Variants in MAP3K20 observed in about 807,000 individuals in gnomAD.
MAP3K20 encodes HCCS-4.
Under a neutral mutation model 85.7 loss-of-function variants are expected in MAP3K20, and 40 were observed. The ratio of observed to expected loss-of-function variants is 0.47; its 90% confidence interval spans 0.36 to 0.61. The LOEUF (loss-of-function observed/expected upper bound fraction) is 0.61, where lower values mean the gene tolerates loss of function less well. MAP3K20 is among the 20% of genes least tolerant of loss of function. The pLI is 0.00. For synonymous variants in MAP3K20, 325 were observed against 327.7 expected (o/e 0.99, Z 0.09); for missense variants, 817 against 961.7 (o/e 0.85, Z 1.99).
At chr2:173,250,356 T>C (rs1574157519) in intron 16 of MAP3K20, among the ~76,000 whole-genome samples, 1 of 152,226 alleles carries the variant, frequency 6.6e-6, no homozygotes, top group Non-Finnish European at 1.5e-5. Context: ...TGTGGTGGTT[T>C]AGTGGAAAGA....
At chr2:173,220,156 T>C (rs1374629703) in intron 11 of MAP3K20, among the ~76,000 whole-genome samples, 1 of 152,006 alleles carries the variant, frequency 6.6e-6, no homozygotes, top group Non-Finnish European at 1.5e-5. Flanking sequence ...TTATCATAAA[T>C]GTATCCATAT....
intron 11 of MAP3K20, among the ~76,000 whole-genome samples, chr2:173,227,890 T>C (rs1399336034): frequency 6.6e-6 from 1 of 152,222 alleles, no homozygotes; most frequent in African/African-American, 2.4e-5. Flanking sequence ...GCTTCTGTGA[T>C]GGGAGAAGGG....
rs755386781 is a variant in MAP3K20 at position 173,266,546 on chromosome 2, C to G, written c.2199C>G (p.Ser733Arg). The change falls in exon 20 of 20, where the codon AGC becomes AGG. Residue 733 changes from serine to arginine, a missense_variant. This residue lies in a region of MAP3K20 where 454 missense variants were observed against 476.9 expected (regional missense o/e 0.95). Coordinates refer to ENST00000375213, the MANE Select transcript of MAP3K20 (RefSeq NM_016653.3). ...NPHQSPDFKR[S>R]PRDLHQPNTI... ...ACCAGTCGCCTGACTTCAAGAGAAG[C>G]CCCAGGGACCTCCACCAACCCAACA... The G allele has an allele frequency of 6.2e-7, 1 of 1,613,756 alleles. No individual in the cohort carries two copies.
intron 2 of MAP3K20, among the ~76,000 whole-genome samples, chr2:173,099,960 G>A (rs1230106566): frequency 6.6e-6 from 1 of 152,192 alleles, no homozygotes; most frequent in African/African-American, 2.4e-5. Flanking sequence ...AACTGTTAAC[G>A]ATCACTCGCA....
At chr2:173,076,721 T>A (rs944399769) in intron 1 of MAP3K20, among the ~76,000 whole-genome samples, 2 of 152,346 alleles carry the variant, frequency 1.3e-5, no homozygotes, top group Admixed American at 1.3e-4. Flanking sequence ...GCGCCCGCCC[T>A]CTCGGGCTTC....
intron 17 of MAP3K20, among the ~76,000 whole-genome samples, chr2:173,259,887 G>A (rs935424663): frequency 4.6e-5 from 7 of 152,166 alleles, no homozygotes; most frequent in African/African-American, 1.4e-4. Flanking sequence ...CCCATACCAC[G>A]GAGTTGTAAA....
chr2:173,195,809 C>T (rs1445337200), intron 7 of MAP3K20, among the ~76,000 whole-genome samples: 2 of 152,202 alleles, frequency 1.3e-5, no homozygotes, highest in African/African-American at 2.4e-5. Flanking sequence ...ACCTCAGACA[C>T]TTTTACATCC....
intron 16 of MAP3K20, among the ~76,000 whole-genome samples, chr2:173,247,999 A>C (rs1684959560): frequency 2.0e-5 from 3 of 152,202 alleles, no homozygotes; most frequent in Admixed American, 2.0e-4. Context: ...GCATGAGGTA[A>C]GCGAAAGTCA....
rs1455938609 is a variant in MAP3K20 at position 173,112,172 on chromosome 2, T to G, written c.159+20982T>G. Among the ~76,000 whole-genome samples, 6 of 152,230 alleles carry G rather than the reference T, an allele frequency of 3.9e-5. No homozygotes were observed. The East Asian group carries it at 9.6e-4, about 24-fold the overall frequency. ...TCCTAAGTATTTTATTTGCAGCTAT[T>G]GTAAAAGGGGTTGAGTTCTTGATTT... is the stretch of plus-strand genomic sequence containing the variant. On this transcript the variant is annotated intron_variant, in intron 2 of 19. Transcript: ENST00000375213.
At chr2:173,135,529 A>G (rs1012395994) in intron 2 of MAP3K20, among the ~76,000 whole-genome samples, 1 of 152,220 alleles carries the variant, frequency 6.6e-6, no homozygotes, top group East Asian at 1.9e-4. Context: ...AATGTGATAT[A>G]TTTGCCAGAA....
intron 1 of MAP3K20, among the ~76,000 whole-genome samples, chr2:173,078,900 T>C (rs759969390): frequency 7.2e-5 from 11 of 152,128 alleles, no homozygotes; most frequent in Non-Finnish European, 1.3e-4. Flanking sequence ...TTGACACAAG[T>C]TGTGTCACCT....
chr2:173,228,409 G>A lies in MAP3K20; in HGVS notation c.988-1280G>A, dbSNP rs907844269. Among the ~76,000 whole-genome samples the A allele has an allele frequency of 7.9e-5, 12 of 152,124 alleles. No homozygotes were observed. In the East Asian group the frequency reaches 1.5e-3, roughly 20 times the overall value. On this transcript the variant is annotated intron_variant, in intron 11 of 19. Coordinates refer to ENST00000375213, the MANE Select transcript of MAP3K20 (RefSeq NM_016653.3). ...TGCCCTGAAGGACCCAGCTCAAGCC[G>A]TGCTGCCCTCCATTCTCCCATCTTA... is the stretch of plus-strand genomic sequence containing the variant.
At chr2:173,087,997 C>G (rs1026151724) in intron 1 of MAP3K20, among the ~76,000 whole-genome samples, 1 of 151,980 alleles carries the variant, frequency 6.6e-6, no homozygotes, top group African/African-American at 2.4e-5. Flanking sequence ...AGAGAGCAAC[C>G]ATTCCAGCCA....
chr2:173,251,614 A>T (rs1280435288), intron 16 of MAP3K20, among the ~76,000 whole-genome samples: 1 of 152,242 alleles, frequency 6.6e-6, no homozygotes, highest in African/African-American at 2.4e-5. Context: ...CTATGGTGAT[A>T]GAAGCTGGAA....
chr2:173,253,864 T>C (rs1442482353), intron 16 of MAP3K20, among the ~76,000 whole-genome samples: 1 of 151,584 alleles, frequency 6.6e-6, no homozygotes, highest in African/African-American at 2.4e-5. Context: ...GCCCAGGAGT[T>C]CCAGACCAGC....
intron 1 of MAP3K20, among the ~76,000 whole-genome samples, chr2:173,084,670 T>C (rs1687100137): frequency 6.6e-6 from 1 of 152,086 alleles, no homozygotes; most frequent in Non-Finnish European, 1.5e-5. Context: ...TATAAAACAA[T>C]TCTGAAAATG....
intron 2 of MAP3K20, among the ~76,000 whole-genome samples, chr2:173,099,084 C>G (rs1043944117): frequency 6.6e-6 from 1 of 152,100 alleles, no homozygotes; most frequent in South Asian, 2.1e-4. Context: ...CAAAAAGTGG[C>G]GGAGAGGTTT....
chr2:173,157,620 G>A (rs891712641), intron 2 of MAP3K20, among the ~76,000 whole-genome samples: 27 of 152,200 alleles, frequency 1.8e-4, no homozygotes, highest in Admixed American at 1.8e-3. Context: ...TCACTGGAGA[G>A]TAATATTATA....
chr2:173,134,415 TATATATATATATA>T (rs1187369355), intron 2 of MAP3K20, among the ~76,000 whole-genome samples: 2 of 16,428 alleles, frequency 1.2e-4, no homozygotes, highest in Non-Finnish European at 2.8e-4. Flanking sequence ...TATATATATA[TATATATATATATA>T]TTTTTTTTTT....
Sources: allele counts gnomAD v4.1 joint callset (sites outside exome capture counted in the v4.1 genomes callset), GRCh38; gene constraint gnomAD v4.1.1; regional missense constraint gnomAD v4.1.1; transcripts MANE v1.5; gene names NCBI Gene and HGNC (gene_info 2026-07-23, HGNC 2026-07-21).